Variants in TAP2 observed in about 807,000 individuals in gnomAD.
TAP2 encodes the protein antigen peptide transporter 2.
A neutral mutation model predicts 74.7 loss-of-function variants in TAP2; 49 were observed. That is an observed-to-expected ratio of 0.66 (90% CI 0.52 to 0.83). The LOEUF (loss-of-function observed/expected upper bound fraction) is 0.83, where lower values mean the gene tolerates loss of function less well. TAP2 is among the 40% of genes least tolerant of loss of function. TAP2 has a pLI of 0.00. For synonymous variants in TAP2, 306 were observed against 368.4 expected, an observed-to-expected ratio of 0.83 and a Z score of 1.94; for missense variants, 739 against 859.0, an observed-to-expected ratio of 0.86 and a Z score of 1.75.
At chr6:32,833,350 G>A (rs1769214765) in intron 5 of TAP2, among the ~76,000 whole-genome samples, 1 of 152,122 alleles carries the variant, frequency 6.6e-6, no homozygotes, top group Non-Finnish European at 1.5e-5. Flanking sequence ...TCTAGCAACA[G>A]AGTGAAAAAG....
At position 32,827,134 on chromosome 6, in the gene TAP2, C is replaced by T. The variant is rs1768703260; in HGVS notation, c.*1772G>A. The T allele has an allele frequency of 1.0e-6, 1 of 985,582 alleles. No homozygotes were observed. The highest frequency in any genetic ancestry group is 4.7e-5 in the South Asian group (1 of 21,290). The allele number at this position is 985,582 out of a possible 1,614,324, so 61.1% of individuals were successfully genotyped here. On this transcript the variant is annotated 3_prime_UTR_variant, in exon 12 of 12. Coordinates refer to ENST00000374897, the MANE Select transcript of TAP2 (RefSeq NM_001290043.2). ...CTGCCAGGCAAGAAAAAATCCAAAA[C>T]AGCAGTTCTGGGGAATTCATTGCCA...
At chr6:32,834,568 T>C (rs988711008) in intron 5 of TAP2, among the ~76,000 whole-genome samples, 1 of 152,118 alleles carries the variant, frequency 6.6e-6, no homozygotes, top group African/African-American at 2.4e-5. Context: ...TGGATGGTGA[T>C]GATGGTTACC....
Position 32,826,178 on chromosome 6 carries a change from C to T in TAP2, c.*2728G>A, listed in dbSNP as rs1768637204. On this transcript the variant is annotated 3_prime_UTR_variant, in exon 12 of 12. Transcript: ENST00000374897. ...AATTCTGACAATTACGCATTTCCTG[C>T]TTGTTTCACAATTGCCATGTGGATT... is the stretch of plus-strand genomic sequence containing the variant. The T allele has an allele frequency of 1.0e-6, 1 of 985,342 alleles. No individual in the cohort carries two copies. Among genetic ancestry groups the T allele is most frequent in the Non-Finnish European group, 1.2e-6 (1 of 829,948 alleles). The allele number at this position is 985,342 out of a possible 1,614,324, so 61.0% of individuals were successfully genotyped here.
chr6:32,823,248 T>C (rs148438274), downstream of TAP2, among the ~76,000 whole-genome samples: 18 of 152,276 alleles, frequency 1.2e-4, 1 homozygote, highest in East Asian at 3.5e-3. Flanking sequence ...ACTGGTCTAG[T>C]CCAGGGAAAG....
downstream of TAP2, among the ~76,000 whole-genome samples, chr6:32,823,022 C>T (rs112707155): frequency 0.1 from 15,223 of 150,052 alleles, 1,169 homozygotes; most frequent in African/African-American, 0.22. Context: ...CAGATTCAAG[C>T]AATTCTCCTG....
chr6:32,833,503 A>C (rs1223688318), intron 5 of TAP2, among the ~76,000 whole-genome samples: 1 of 152,250 alleles, frequency 6.6e-6, no homozygotes, highest in Non-Finnish European at 1.5e-5. Context: ...AGAAAGAAAC[A>C]TAAGTGGCCA....
rs1768698993 is a variant in TAP2, at chr6:32,827,072, C to T, written c.*1834G>A. 1 of 985,728 alleles carries T rather than the reference C, an allele frequency of 1.0e-6. No individual in the cohort carries two copies. Among genetic ancestry groups the T allele is most frequent in the South Asian group, 4.7e-5 (1 of 21,282 alleles). 61.1% of individuals were successfully genotyped at this position (985,728 alleles called of 1,614,324 possible). A position where few individuals can be genotyped will look rare whatever the true frequency, so the allele number is the denominator to read the frequency against. On this transcript the variant is annotated 3_prime_UTR_variant, in exon 12 of 12. Coordinates refer to ENST00000374897, the MANE Select transcript of TAP2 (RefSeq NM_001290043.2). ...GCAAATCTGCACAAGAAACTGCCCA[C>T]TCTCACCCCATCCTCACTGCACCCT...
At chr6:32,829,790 G>A (rs1254346784) in intron 10 of TAP2, 140 bp downstream of exon 10, 1 of 1,242,718 alleles carries the variant, frequency 8.0e-7, no homozygotes, top group African/African-American at 1.5e-5. Flanking sequence ...TTCAGTGTGT[G>A]GGGAAGGAGA....
chr6:32,830,591 T>TC, intron 8 of TAP2, 27 bp downstream of exon 8: 1 of 1,612,660 alleles, frequency 6.2e-7, no homozygotes, highest in Non-Finnish European at 8.5e-7. Flanking sequence ...AGAGCAAGGG[T>TC]CCAGGTTTCC....
intron 7 of TAP2, 131 bp from the exon 8 acceptor site, chr6:32,830,937 T>A: frequency 1.2e-6 from 1 of 858,886 alleles, no homozygotes. Context: ...TCTCCACTTT[T>A]AAATGTACAA....
intron 3 of TAP2, among the ~76,000 whole-genome samples, chr6:32,836,637 A>G (rs241427): frequency 0.68 from 103,070 of 152,128 alleles, 35,192 homozygotes; most frequent in African/African-American, 0.75. Flanking sequence ...TACAACATAT[A>G]ACTGCACCTA....
intron 3 of TAP2, among the ~76,000 whole-genome samples, chr6:32,836,438 G>A (rs1769425252): frequency 6.6e-6 from 1 of 152,218 alleles, no homozygotes; most frequent in South Asian, 2.1e-4. Flanking sequence ...AGAGGCGTTT[G>A]GGAGAGTCAG....
chr6:32,830,028 T>A lies in TAP2; in HGVS notation c.1697A>T (p.Tyr566Phe). ...ATCATCTTCGCAGCTCTGCAGCCCA[T>A]AAGCAATGTTGTTCCTCACAGAACC... The part of the protein sequence containing the change: ...FSGSVRNNIA[Y>F]GLQSCEDDKV... Residue 566 changes from tyrosine to phenylalanine, a missense_variant, in exon 10 of 12, where the codon TAT (tyrosine) becomes TTT (phenylalanine). Transcript: ENST00000374897. 1.2e-6 allele frequency: 2 copies of A among 1,613,106 alleles called. No individual in the cohort carries two copies. The highest frequency in any genetic ancestry group is 1.7e-6 in the Non-Finnish European group (2 of 1,180,024).
At chr6:32,830,850 T>A in intron 7 of TAP2, 44 bp from the exon 8 acceptor site, 1 of 1,547,226 alleles carries the variant, frequency 6.5e-7, no homozygotes. Flanking sequence ...AACACACTTC[T>A]ACCAGAAACC....
chr6:32,837,173 G>C (rs1769473230), intron 3 of TAP2, among the ~76,000 whole-genome samples: 1 of 152,156 alleles, frequency 6.6e-6, no homozygotes, highest in Non-Finnish European at 1.5e-5. Flanking sequence ...ACCCTGGAGA[G>C]ATACTTTGGA....
intron 11 of TAP2, 149 bp downstream of exon 11, chr6:32,829,251 C>T (rs780645773): frequency 4.0e-5 from 58 of 1,437,780 alleles, no homozygotes; most frequent in Middle Eastern, 2.4e-4. Context: ...GCCCTCACAC[C>T]ACCGGATTCC....
At position 32,828,390 on chromosome 6, in the gene TAP2, G is replaced by A; in HGVS notation, c.*516C>T. ...GAAGGATATAGGAAGGCAATCTCATGAATATTTATGTCATTTTTGGTTAAT... is the reference window on the plus strand; with the variant it reads ...GAAGGATATAGGAAGGCAATCTCATAAATATTTATGTCATTTTTGGTTAAT... On this transcript the variant is annotated 3_prime_UTR_variant, in exon 12 of 12. Transcript: ENST00000374897. The A allele has an allele frequency of 1.0e-6, 1 of 985,502 alleles. No individual in the cohort carries two copies. Among genetic ancestry groups the A allele is most frequent in the Non-Finnish European group, 1.2e-6 (1 of 830,194 alleles). 61.0% of individuals were successfully genotyped at this position (985,502 alleles called of 1,614,324 possible). A position where few individuals can be genotyped will look rare whatever the true frequency, so the allele number is the denominator to read the frequency against.
chr6:32,835,508 C>A lies in TAP2; in HGVS notation c.739+135G>T. 6.8e-7 allele frequency: 1 copy of A among 1,473,710 alleles called. No homozygotes were observed. Among genetic ancestry groups the A allele is most frequent in the Admixed American group, 1.9e-5 (1 of 52,934 alleles). 91.3% of individuals were successfully genotyped at this position (1,473,710 alleles called of 1,614,324 possible). A position where few individuals can be genotyped will look rare whatever the true frequency, so the allele number is the denominator to read the frequency against. On this transcript the variant is annotated intron_variant, in intron 4 of 11. Coordinates refer to ENST00000374897, the MANE Select transcript of TAP2 (RefSeq NM_001290043.2). The surrounding 1 kb of genome is among the most constrained non-coding windows in gnomAD (Gnocchi z 4.0). ...AGGGACAGTGGAGGCTGCTTCTCCA[C>A]CCTGTCCCAAACAAGAGAAAAGCAT...
In TAP2 at chr6:32,835,510, CT is replaced by C; in HGVS notation, c.739+132del. The C allele has an allele frequency of 6.8e-7, 1 of 1,477,902 alleles. No homozygotes were observed. The highest frequency in any genetic ancestry group is 9.3e-7 in the Non-Finnish European group (1 of 1,071,954). The allele number at this position is 1,477,902 out of a possible 1,614,324, so 91.5% of individuals were successfully genotyped here. ...GGACAGTGGAGGCTGCTTCTCCACC[CT>C]GTCCCAAACAAGAGAAAAGCATCCC... On this transcript the variant is annotated intron_variant, in intron 4 of 11. Transcript: ENST00000374897. This position sits in a 1 kb window ranked among gnomAD's most constrained non-coding sequence, Gnocchi z 4.0.
Sources: allele counts gnomAD v4.1 joint callset (sites outside exome capture counted in the v4.1 genomes callset), GRCh38; gene constraint gnomAD v4.1.1; non-coding constraint Gnocchi (gnomAD v3.1); transcripts MANE v1.5; gene names NCBI Gene and HGNC (gene_info 2026-07-23, HGNC 2026-07-21).